Variants in ABCA12 observed in about 807,000 individuals in gnomAD.
The protein encoded by ABCA12 is glucosylceramide transporter ABCA12.
ABCA12 carries 156 observed loss-of-function variants against 293.5 expected under a neutral mutation model. The observed-to-expected ratio is 0.53, with a 90% CI of 0.47 to 0.61. The LOEUF is 0.61. ABCA12 is among the 20% of genes least tolerant of loss of function. The pLI is 0.00. For synonymous variants in ABCA12, 1,063 were observed against 1,108.0 expected (o/e 0.96, Z 0.81); for missense variants, 2,797 against 3,090.2 (o/e 0.91, Z 2.25).
At chr2:214,996,805 T>C (rs980608025) in intron 23 of ABCA12, among the ~76,000 whole-genome samples, 2 of 152,168 alleles carry the variant, frequency 1.3e-5, no homozygotes, top group Non-Finnish European at 2.9e-5. Context: ...TCTAAAAGCA[T>C]TGGCAAGGTA....
intron 31 of ABCA12, 82 bp from the exon 32 acceptor site, chr2:214,979,122 T>G: frequency 1.5e-6 from 2 of 1,303,046 alleles, no homozygotes; most frequent in Non-Finnish European, 2.2e-6. Flanking sequence ...GGTGAGGTGA[T>G]GAGCTCTTTT....
Position 215,018,440 on chromosome 2 carries a change from A to G in ABCA12, c.1658-308T>C, listed in dbSNP as rs147711611. On this transcript the variant is annotated intron_variant, in intron 13 of 52. Coordinates refer to ENST00000272895, the MANE Select transcript of ABCA12 (RefSeq NM_173076.3). The stretch of plus-strand genomic sequence containing the variant: ...CTCACAGATTTTGATCACATAATGC[A>G]CTAAATAAATATCTCTCCATTTGAT... Among the ~76,000 whole-genome samples, 51 of 152,344 alleles carry G rather than the reference A, an allele frequency of 3.3e-4. No homozygotes were observed. The East Asian group carries it at 9.8e-3, about 29-fold the overall frequency.
At chr2:214,977,938 A>G (rs1699557856) in intron 33 of ABCA12, among the ~76,000 whole-genome samples, 1 of 150,252 alleles carries the variant, frequency 6.7e-6, no homozygotes, top group Non-Finnish European at 1.5e-5. Flanking sequence ...ATGTCTAATA[A>G]CAAGGAGTGA....
At chr2:215,130,745 C>T (rs1250575434) in intron 1 of ABCA12, among the ~76,000 whole-genome samples, 1 of 152,042 alleles carries the variant, frequency 6.6e-6, no homozygotes, top group African/African-American at 2.4e-5. Context: ...TTTCTCTTGC[C>T]TGATAGCTCT....
intron 38 of ABCA12, among the ~76,000 whole-genome samples, chr2:214,967,189 T>G (rs550892374): frequency 6.6e-6 from 1 of 152,204 alleles, no homozygotes; most frequent in East Asian, 1.9e-4. Context: ...AGCACTAAAT[T>G]ATTAGTTATT....
Position 214,947,478 on chromosome 2 carries a change from T to C in ABCA12, c.7183A>G (p.Lys2395Glu), listed in dbSNP as rs1553519649. Residue 2395 changes from lysine (K) to glutamate (E), a missense_variant, in exon 48 of 53, where the codon AAA becomes GAA. By Grantham distance (56) the Lys-to-Glu change is moderately conservative. Around this residue, in one of 3 missense-constraint regions of ABCA12, gnomAD observed 2,130 missense variants for 2,427.0 expected, o/e 0.88. Coordinates refer to ENST00000272895, the MANE Select transcript of ABCA12 (RefSeq NM_173076.3). ...RATSMCSYGT[K>E]RKLSTALALI... is the part of the protein sequence containing the mutation. ...GCCAGTGCAGTGGATAATTTTCTTT[T>C]TGTGCCATAACTGCACATAGAGGTA... 6.2e-7 allele frequency: 1 copy of C among 1,614,028 alleles called. No homozygotes were observed. The highest frequency in any genetic ancestry group is 1.3e-5 in the African/African-American group (1 of 75,052).
chr2:215,011,214 C>T (rs7586427), intron 17 of ABCA12, among the ~76,000 whole-genome samples: 112,743 of 152,050 alleles, frequency 0.74, 46,406 homozygotes, highest in East Asian at 0.95. Context: ...CCAAGTTGAG[C>T]GACACTGGCC....
At chr2:215,064,831 TGTATA>T (rs2106074458) in intron 2 of ABCA12, among the ~76,000 whole-genome samples, 1 of 152,122 alleles carries the variant, frequency 6.6e-6, no homozygotes, top group African/African-American at 2.4e-5. Flanking sequence ...TCCTTTTGAC[TGTATA>T]TTAACTGTGT....
At chr2:214,933,224 A>G (rs746606457) in intron 52 of ABCA12, among the ~76,000 whole-genome samples, 8 of 152,184 alleles carry the variant, frequency 5.3e-5, no homozygotes, top group Non-Finnish European at 1.2e-4. Context: ...TAAGCCAATT[A>G]CTTAACAGGC....
chr2:214,976,711 A>G (rs769239021), intron 33 of ABCA12, among the ~76,000 whole-genome samples: 1 of 152,034 alleles, frequency 6.6e-6, no homozygotes, highest in South Asian at 2.1e-4. Flanking sequence ...AAAAAAAAAG[A>G]ACTCATTAGA....
At chr2:215,035,306 A>G (rs762863773) in intron 8 of ABCA12, among the ~76,000 whole-genome samples, 23 of 152,242 alleles carry the variant, frequency 1.5e-4, no homozygotes, top group Non-Finnish European at 2.9e-5. Context: ...AGTGTATCAA[A>G]TTTTATGAAT....
intron 7 of ABCA12, among the ~76,000 whole-genome samples, chr2:215,039,748 C>G (rs1701060315): frequency 6.7e-6 from 1 of 150,296 alleles, no homozygotes; most frequent in Non-Finnish European, 1.5e-5. Flanking sequence ...GAGCAAGACT[C>G]CTTCTCACAA....
At chr2:215,125,036 C>T (rs1336212783) in intron 1 of ABCA12, among the ~76,000 whole-genome samples, 1 of 152,088 alleles carries the variant, frequency 6.6e-6, no homozygotes, top group Admixed American at 6.6e-5. Context: ...GCCAATTATC[C>T]CAGCACCATT....
chr2:214,976,071 G>A, intron 33 of ABCA12, 34 bp from the exon 34 acceptor site: 1 of 1,613,048 alleles, frequency 6.2e-7, no homozygotes, highest in East Asian at 2.2e-5. Flanking sequence ...TATGGTTCTG[G>A]GAAATCTTGA....
chr2:214,954,253 A>G (rs1698871733), intron 43 of ABCA12, 146 bp from the exon 44 acceptor site: 1 of 826,640 alleles, frequency 1.2e-6, no homozygotes, highest in Non-Finnish European at 1.9e-6. Context: ...CTGAATTTGC[A>G]TACAAATATT....
chr2:215,111,971 T>A (rs1226180430), intron 1 of ABCA12, among the ~76,000 whole-genome samples: 1 of 152,194 alleles, frequency 6.6e-6, no homozygotes, highest in African/African-American at 2.4e-5. Flanking sequence ...ATCATTATAT[T>A]AAAATTAACC....
rs1698613514 is a variant in ABCA12, at chr2:214,947,298, T to C, written c.7239+124A>G. The C allele has an allele frequency of 5.1e-6, 7 of 1,382,230 alleles. 1 individual carries two copies. In the Admixed American group the frequency reaches 8.5e-5, roughly 17 times the overall value. The allele number at this position is 1,382,230 out of a possible 1,614,324, so 85.6% of individuals were successfully genotyped here. A position where few individuals can be genotyped will look rare whatever the true frequency, so the allele number is the denominator to read the frequency against. On this transcript the variant is annotated intron_variant, in intron 48 of 52. Coordinates refer to ENST00000272895, the MANE Select transcript of ABCA12 (RefSeq NM_173076.3). ...AGTATACATAAAGTGCTTTGCACAA[T>C]AGCTAGCACATAGTGAGACCTCAAT...
In ABCA12 at chr2:214,947,271, A is replaced by G; in HGVS notation, c.7239+151T>C. 7.8e-6 allele frequency: 8 copies of G among 1,029,224 alleles called. No individual in the cohort carries two copies. In the South Asian group the frequency reaches 9.7e-5, roughly 13 times the overall value. 63.8% of individuals were successfully genotyped at this position (1,029,224 alleles called of 1,614,324 possible). On this transcript the variant is annotated intron_variant, in intron 48 of 52. Coordinates refer to ENST00000272895, the MANE Select transcript of ABCA12 (RefSeq NM_173076.3). ...TGCTGATATAAAATCCTTTATTGAG[A>G]TAGTATACATAAAGTGCTTTGCACA...
Position 214,970,199 on chromosome 2 carries a change from C to T in ABCA12, c.5690+74G>A, listed in dbSNP as rs947056753. 11 of 1,433,972 alleles carry T rather than the reference C, an allele frequency of 7.7e-6. No homozygotes were observed. In the Admixed American group the frequency reaches 2.3e-4, roughly 30 times the overall value. 88.8% of individuals were successfully genotyped at this position (1,433,972 alleles called of 1,614,324 possible). On this transcript the variant is annotated intron_variant, in intron 37 of 52. Coordinates refer to ENST00000272895, the MANE Select transcript of ABCA12 (RefSeq NM_173076.3). ...AAATGTAAACAATAGAAATTTGTAT[C>T]TATTGTCTCTTTAGAAGGCAGCTAC...
Sources: allele counts gnomAD v4.1 joint callset (sites outside exome capture counted in the v4.1 genomes callset), GRCh38; gene constraint gnomAD v4.1.1; regional missense constraint gnomAD v4.1.1; transcripts MANE v1.5; gene names NCBI Gene and HGNC (gene_info 2026-07-23, HGNC 2026-07-21).